Variants in NDUFAF1 observed in about 807,000 individuals in gnomAD.
NDUFAF1 encodes the protein complex I intermediate-associated protein 30, mitochondrial.
A neutral mutation model predicts 28.7 loss-of-function variants in NDUFAF1; 18 were observed. The observed-to-expected ratio is 0.63, with a 90% CI of 0.43 to 0.93. The LOEUF (loss-of-function observed/expected upper bound fraction) is 0.93. Among genes scored for constraint, NDUFAF1 ranks in the 40% least tolerant of loss-of-function variants. The pLI is 0.00. For missense variants in NDUFAF1, 404 were observed against 398.3 expected, an observed-to-expected ratio of 1.01 and a Z score of -0.12; for synonymous variants, 113 against 139.7, an observed-to-expected ratio of 0.81 and a Z score of 1.35.
At chr15:41,401,330 G>A (rs2050460126) in intron 1 of NDUFAF1, among the ~76,000 whole-genome samples, 1 of 138,940 alleles carries the variant, frequency 7.2e-6, no homozygotes, top group Non-Finnish European at 1.5e-5. Context: ...GAGTGCAATG[G>A]CACGACCCTG....
intron 1 of NDUFAF1, 49 bp downstream of exon 1, chr15:41,402,095 T>C (rs556637638): frequency 1.1e-4 from 43 of 403,950 alleles, no homozygotes; most frequent in African/African-American, 8.1e-4. Flanking sequence ...GACAACACAA[T>C]CCACGCAGCT....
chr15:41,402,159 G>A lies in NDUFAF1; in HGVS notation c.-97C>T, dbSNP rs2050472005. The A allele has an allele frequency of 2.2e-6, 1 of 453,012 alleles. No individual in the cohort carries two copies. Among genetic ancestry groups the A allele is most frequent in the Non-Finnish European group, 4.4e-6 (1 of 225,858 alleles). 28.1% of individuals were successfully genotyped at this position (453,012 alleles called of 1,614,324 possible). A position where few individuals can be genotyped will look rare whatever the true frequency, so the allele number is the denominator to read the frequency against. On this transcript the variant is annotated 5_prime_UTR_variant, in exon 1 of 5. Transcript: ENST00000260361. ...CATGCCTTACCATGTGCCAGAAACT[G>A]CTCTAAGTGTTTCACTGACGGCTCA... is the stretch of plus-strand genomic sequence containing the variant.
chr15:41,399,372 G>A (rs888384617), intron 1 of NDUFAF1, among the ~76,000 whole-genome samples: 1 of 151,754 alleles, frequency 6.6e-6, no homozygotes, highest in Non-Finnish European at 1.5e-5. Context: ...CTCCAGCCTG[G>A]GCGACAGAGT....
chr15:41,391,647 A>C (rs569954591), intron 3 of NDUFAF1, among the ~76,000 whole-genome samples: 1 of 151,942 alleles, frequency 6.6e-6, no homozygotes, highest in South Asian at 2.1e-4. Flanking sequence ...TTTATGTTCC[A>C]GGGAAGGCAG....
Position 41,402,242 on chromosome 15 carries a change from G to A in NDUFAF1, c.-180C>T, listed in dbSNP as rs886051145. On this transcript the variant is annotated 5_prime_UTR_variant, in exon 1 of 5. The change creates a new upstream start codon in the 5' untranslated region. Transcript: ENST00000260361. ...CAATTATAGAGACGAAGAAACTGAC[G>A]TTCCAAGGCTAATTTACCCGAGGTC... 6.6e-6 allele frequency: 3 copies of A among 453,968 alleles called. No individual in the cohort carries two copies. Among genetic ancestry groups the A allele is most frequent in the South Asian group, 3.1e-5 (2 of 64,488 alleles). The allele number at this position is 453,968 out of a possible 1,614,324, so 28.1% of individuals were successfully genotyped here.
At chr15:41,398,044 A>C (rs1276232086) in intron 1 of NDUFAF1, among the ~76,000 whole-genome samples, 4 of 149,520 alleles carry the variant, frequency 2.7e-5, no homozygotes, top group Admixed American at 2.0e-4. Context: ...AAAAAAAAAA[A>C]CAGAAAGAAA....
intron 1 of NDUFAF1, among the ~76,000 whole-genome samples, chr15:41,399,952 C>T (rs906977360): frequency 2.0e-5 from 3 of 150,936 alleles, no homozygotes; most frequent in Non-Finnish European, 2.9e-5. Flanking sequence ...CCCAGCTACT[C>T]GGGAGGCTGA....
chr15:41,397,912 C>T (rs1021250363), intron 1 of NDUFAF1, among the ~76,000 whole-genome samples: 1 of 149,800 alleles, frequency 6.7e-6, no homozygotes, highest in Admixed American at 6.7e-5. Flanking sequence ...GTGGTCCCAG[C>T]TACTAAGGAG....
chr15:41,388,461 A>G lies in NDUFAF1; in HGVS notation c.821T>C (p.Leu274Pro). 1 of 1,611,844 alleles carries G rather than the reference A, an allele frequency of 6.2e-7. No individual in the cohort carries two copies. ...RGRIRDVQHE[L>P]PLDKISSIGF... ...GGAATATGTTACCTTATCAAGCGGA[A>G]GCTCATGCTGAACATCCCGGATTCT... Residue 274 changes from leucine to proline, a missense_variant, in exon 4 of 5, where the codon CTT (leucine) becomes CCT (proline). Leu to Pro is a moderately conservative substitution (Grantham distance 98). Coordinates refer to ENST00000260361, the MANE Select transcript of NDUFAF1 (RefSeq NM_016013.4).
intron 1 of NDUFAF1, among the ~76,000 whole-genome samples, chr15:41,400,464 C>CT: frequency 6.6e-6 from 1 of 151,536 alleles, no homozygotes; most frequent in African/African-American, 2.4e-5. Flanking sequence ...GCCTCAGCCT[C>CT]TGGAGTACCT....
intron 4 of NDUFAF1, 68 bp downstream of exon 4, chr15:41,388,378 TCA>T: frequency 8.2e-7 from 1 of 1,220,154 alleles, no homozygotes; most frequent in South Asian, 1.2e-5. Context: ...TCAAATGAAC[TCA>T]GTCTCCCCAG....
At chr15:41,388,569 A>G in intron 3 of NDUFAF1, 47 bp from the exon 4 acceptor site, 1 of 1,171,654 alleles carries the variant, frequency 8.5e-7, no homozygotes, top group Non-Finnish European at 1.3e-6. Context: ...TAAGCAATTG[A>G]GGCATCTGCA....
At chr15:41,397,827 C>A (rs2050411478) in intron 1 of NDUFAF1, among the ~76,000 whole-genome samples, 2 of 145,488 alleles carry the variant, frequency 1.4e-5, no homozygotes, top group South Asian at 4.3e-4. Flanking sequence ...AAAATTGAGA[C>A]CATCCTGGCC....
At chr15:41,401,551 C>T (rs943281793) in intron 1 of NDUFAF1, among the ~76,000 whole-genome samples, 7 of 150,820 alleles carry the variant, frequency 4.6e-5, no homozygotes, top group Non-Finnish European at 8.9e-5. Context: ...TCTCTTGCCT[C>T]AGTCACTGGG....
At chr15:41,401,018 AGATCTCCGCTCACT>A (rs1304902973) in intron 1 of NDUFAF1, among the ~76,000 whole-genome samples, 1 of 147,496 alleles carries the variant, frequency 6.8e-6, no homozygotes, top group Non-Finnish European at 1.5e-5. Flanking sequence ...ACCAGGCTAG[AGATCTCCGCTCACT>A]GCAATCTCCG....
At position 41,395,052 on chromosome 15, in the gene NDUFAF1, A is replaced by T. The variant is rs1358961355; in HGVS notation, c.574-8T>A. 1 of 1,613,070 alleles carries T rather than the reference A, an allele frequency of 6.2e-7. No homozygotes were observed. Among genetic ancestry groups the T allele is most frequent in the East Asian group, 2.2e-5 (1 of 44,864 alleles). ...CTTCCTCTCAAAAGCACCCTAAGAT[A>T]TTGAAAGTAAAGTTCATTGTACCTC... On this transcript the variant is annotated splice_polypyrimidine_tract_variant and splice_region_variant and intron_variant, in intron 2 of 4. Transcript: ENST00000260361.
chr15:41,388,438 A>C lies in NDUFAF1; in HGVS notation c.834+10T>G. ...TACAGTTCTGAGTGAAAAATACAGG[A>C]ATATGTTACCTTATCAAGCGGAAGC... On this transcript the variant is annotated intron_variant, in intron 4 of 4. Transcript: ENST00000260361. The C allele has an allele frequency of 2.5e-6, 4 of 1,594,232 alleles. No individual in the cohort carries two copies. The highest frequency in any genetic ancestry group is 3.4e-6 in the Non-Finnish European group (4 of 1,162,044).
chr15:41,401,741 G>A (rs1167403921), intron 1 of NDUFAF1, among the ~76,000 whole-genome samples: 2 of 152,084 alleles, frequency 1.3e-5, no homozygotes, highest in East Asian at 1.9e-4. Flanking sequence ...TATCAATAAG[G>A]TTTGTTGATA....
intron 1 of NDUFAF1, among the ~76,000 whole-genome samples, chr15:41,397,626 C>T (rs1394094316): frequency 1.3e-5 from 2 of 151,782 alleles, no homozygotes; most frequent in Non-Finnish European, 2.9e-5. Flanking sequence ...GGTGAAACCC[C>T]GTCTCTACTA....
Sources: allele counts gnomAD v4.1 joint callset (sites outside exome capture counted in the v4.1 genomes callset), GRCh38; gene constraint gnomAD v4.1.1; transcripts MANE v1.5; gene names NCBI Gene and HGNC (gene_info 2026-07-23, HGNC 2026-07-21).